GNB1: variants seen among roughly 807,000 people sequenced by gnomAD.
The protein encoded by GNB1 is G protein subunit beta 1.
GNB1 carries 2 observed loss-of-function variants against 42.9 expected under a neutral mutation model. The observed-to-expected ratio is 0.05, with a 90% confidence interval of 0.02 to 0.15. The LOEUF (loss-of-function observed/expected upper bound fraction) is 0.15, where lower values mean the gene tolerates loss of function less well. Ranked by LOEUF, GNB1 falls within the 10% of genes least tolerant of loss-of-function variation. GNB1 has a pLI of 1.00. For synonymous variants in GNB1, 183 were observed against 174.7 expected (o/e 1.05, Z -0.38); for missense variants, 193 against 462.2 (o/e 0.42, Z 5.34).
intron 3 of GNB1, among the ~76,000 whole-genome samples, chr1:1,822,776 A>T (rs1646948848): frequency 6.6e-6 from 1 of 152,034 alleles, no homozygotes; most frequent in Non-Finnish European, 1.5e-5. Context: ...TTTTGGCCTT[A>T]ATTTTTTAAA....
chr1:1,828,125 A>G (rs1647024205), intron 2 of GNB1, among the ~76,000 whole-genome samples: 1 of 152,176 alleles, frequency 6.6e-6, no homozygotes, highest in African/African-American at 2.4e-5. Flanking sequence ...GTTTGAGACC[A>G]GCGTGGTTAA....
Position 1,822,462 on chromosome 1 carries a change from C to T in GNB1, c.57+2935G>A, listed in dbSNP as rs1299261194. The stretch of plus-strand genomic sequence containing the variant: ...GGACTACAGGCGCCCACCACCACCA[C>T]ACCTGGCTAATTTTTTTTGTATTTT... On this transcript the variant is annotated intron_variant, in intron 3 of 11. Coordinates refer to ENST00000378609, the MANE Select transcript of GNB1 (RefSeq NM_002074.5). 2.0e-5 allele frequency among the ~76,000 whole-genome samples: 3 copies of T among 152,156 alleles called. No individual in the cohort carries two copies. In the East Asian group the frequency reaches 5.8e-4, roughly 29 times the overall value.
chr1:1,865,382 C>G (rs564328749), intron 1 of GNB1, among the ~76,000 whole-genome samples: 2 of 150,604 alleles, frequency 1.3e-5, no homozygotes, highest in Non-Finnish European at 1.5e-5. Flanking sequence ...GTCAGGAGAT[C>G]GAGACCATCC....
chr1:1,859,316 C>T (rs1648480479), intron 1 of GNB1, among the ~76,000 whole-genome samples: 1 of 152,118 alleles, frequency 6.6e-6, no homozygotes. Flanking sequence ...GCCACCACGC[C>T]CCGACGGGGA....
chr1:1,859,747 G>A (rs1336297654), intron 1 of GNB1, among the ~76,000 whole-genome samples: 2 of 151,792 alleles, frequency 1.3e-5, no homozygotes, highest in African/African-American at 4.8e-5. Context: ...GGTGGCTCAC[G>A]CCTGTAATCC....
At chr1:1,826,467 C>G (rs1001183007) in intron 2 of GNB1, among the ~76,000 whole-genome samples, 3 of 152,036 alleles carry the variant, frequency 2.0e-5, no homozygotes, top group African/African-American at 7.2e-5. Context: ...GCATGAAGAC[C>G]TAGGGGAAGT....
At chr1:1,822,900 A>T (rs1204463014) in intron 3 of GNB1, among the ~76,000 whole-genome samples, 1 of 152,194 alleles carries the variant, frequency 6.6e-6, no homozygotes, top group Non-Finnish European at 1.5e-5. Flanking sequence ...TTCTTCAAAT[A>T]TGCCAAATCA....
intron 7 of GNB1, among the ~76,000 whole-genome samples, chr1:1,801,943 G>A (rs538588884): frequency 2.6e-5 from 4 of 152,192 alleles, no homozygotes; most frequent in East Asian, 1.9e-4. Flanking sequence ...AAAAAGCAGC[G>A]GTTCCCAACA....
At chr1:1,815,524 A>G (rs1190477772) in intron 5 of GNB1, among the ~76,000 whole-genome samples, 2 of 152,268 alleles carry the variant, frequency 1.3e-5, no homozygotes, top group Non-Finnish European at 2.9e-5. Context: ...AACTTGTATT[A>G]ATGTGATTCA....
At position 1,878,257 on chromosome 1, in the gene GNB1, T is replaced by C. The variant is rs144893925; in HGVS notation, c.-96+12563A>G. ...CATCTTCAACAGGGCAAAACGCAAGTGCACCAACTGCCATGGGAGTGTCAG... is the reference window on the plus strand; with the variant it reads ...CATCTTCAACAGGGCAAAACGCAAGCGCACCAACTGCCATGGGAGTGTCAG... On this transcript the variant is annotated intron_variant, in intron 1 of 11. Transcript: ENST00000378609. Among the ~76,000 whole-genome samples, 327 of 152,288 alleles carry C rather than the reference T, an allele frequency of 2.1e-3. 1 individual carries two copies. Among genetic ancestry groups the C allele is most frequent in the African/African-American group, 7.6e-3 (314 of 41,560 alleles).
At chr1:1,848,501 C>A (rs1647804073) in intron 1 of GNB1, among the ~76,000 whole-genome samples, 1 of 152,156 alleles carries the variant, frequency 6.6e-6, no homozygotes, top group African/African-American at 2.4e-5. Context: ...CAAGACCAAT[C>A]CCATCTCTTT....
intron 1 of GNB1, among the ~76,000 whole-genome samples, chr1:1,885,551 C>CTTTTTTTT (rs60651257): frequency 1.1e-5 from 1 of 94,060 alleles, no homozygotes; most frequent in Non-Finnish European, 2.2e-5. Context: ...TCCACTTAAT[C>CTTTTTTTT]TTTTTTTTTT....
At chr1:1,881,442 C>CT (rs565639567) in intron 1 of GNB1, among the ~76,000 whole-genome samples, 239 of 148,938 alleles carry the variant, frequency 1.6e-3, no homozygotes, top group Non-Finnish European at 2.9e-3. Flanking sequence ...TTTTTTGAGT[C>CT]TCACACTGTC....
chr1:1,884,016 A>C (rs927500213), intron 1 of GNB1, among the ~76,000 whole-genome samples: 1 of 148,116 alleles, frequency 6.8e-6, no homozygotes, highest in African/African-American at 2.5e-5. Flanking sequence ...CCCAGGCTGC[A>C]GTACAATGGC....
intron 1 of GNB1, among the ~76,000 whole-genome samples, chr1:1,876,137 TCAGACTTCTGTCCTC>T (rs1451249209): frequency 6.6e-6 from 1 of 152,210 alleles, no homozygotes; most frequent in Non-Finnish European, 1.5e-5. Flanking sequence ...CACCTTGATT[TCAGACTTCTGTCCTC>T]CAGAACTGAG....
intron 5 of GNB1, among the ~76,000 whole-genome samples, chr1:1,806,942 C>G (rs552927392): frequency 3.3e-5 from 5 of 152,162 alleles, no homozygotes; most frequent in Admixed American, 2.0e-4. Context: ...CCACTGGACA[C>G]CAGCCTGGGC....
At chr1:1,836,117 CAAAA>C (rs891545403) in intron 2 of GNB1, among the ~76,000 whole-genome samples, 16 of 149,978 alleles carry the variant, frequency 1.1e-4, no homozygotes, top group Non-Finnish European at 2.2e-4. Flanking sequence ...ACTCAAAAAA[CAAAA>C]AAAACCAACT....
chr1:1,877,610 T>C (rs928925692), intron 1 of GNB1, among the ~76,000 whole-genome samples: 1 of 152,128 alleles, frequency 6.6e-6, no homozygotes, highest in Admixed American at 6.6e-5. Flanking sequence ...AGTGCTAAGA[T>C]TACAGGCATG....
chr1:1,792,949 C>T (rs1646501325), intron 8 of GNB1, among the ~76,000 whole-genome samples: 1 of 151,774 alleles, frequency 6.6e-6, no homozygotes, highest in Non-Finnish European at 1.5e-5. Flanking sequence ...ACCTGTAATC[C>T]CAGCTATTCA....
Sources: allele counts gnomAD v4.1 joint callset (sites outside exome capture counted in the v4.1 genomes callset), GRCh38; gene constraint gnomAD v4.1.1; transcripts MANE v1.5; gene names NCBI Gene and HGNC (gene_info 2026-07-23, HGNC 2026-07-21).